The following GLI2 variants were observed in gnomAD, a reference collection of about 807,000 sequenced individuals.
GLI2 encodes the protein GLI family zinc finger 2.
Under a neutral mutation model 78.9 loss-of-function variants are expected in GLI2, and 22 were observed. The observed-to-expected ratio is 0.28, with a 90% CI of 0.20 to 0.40. The LOEUF is 0.40. Among genes scored for constraint, GLI2 ranks in the 10% least tolerant of loss-of-function variants. GLI2 has a pLI of 1.00. For missense variants in GLI2, 2,097 were observed against 2,213.2 expected (o/e 0.95, Z 1.05); for synonymous variants, 974 against 963.7 (o/e 1.01, Z -0.20).
intron 1 of GLI2, among the ~76,000 whole-genome samples, chr2:120,785,217 G>T (rs747766): frequency 6.6e-6 from 1 of 152,004 alleles, no homozygotes; most frequent in Non-Finnish European, 1.5e-5. Flanking sequence ...GCAGAGGAAG[G>T]CCAGGGCCTG....
chr2:120,870,375 A>G (rs1387204533), intron 2 of GLI2, among the ~76,000 whole-genome samples: 1 of 152,154 alleles, frequency 6.6e-6, no homozygotes. Flanking sequence ...TTCAGGAGAA[A>G]ACATTCTCCT....
chr2:120,749,881 G>A (rs1682812598), intron 1 of GLI2, among the ~76,000 whole-genome samples: 1 of 152,236 alleles, frequency 6.6e-6, no homozygotes, highest in African/African-American at 2.4e-5. Flanking sequence ...TATAGGACAT[G>A]TGTCATGCAG....
rs77887399 is a variant in GLI2, at chr2:120,825,173, T to C, written c.148+27705T>C. On this transcript the variant is annotated intron_variant, in intron 2 of 13. Transcript: ENST00000361492. ...TTGGTACTGCCATGATTTGGGAGTT[T>C]TGGGAGAATTGAAGCAAGTACTTAG... Among the ~76,000 whole-genome samples the C allele has an allele frequency of 2.6e-5, 4 of 152,268 alleles. No homozygotes were observed. The East Asian group carries it at 5.8e-4, about 22-fold the overall frequency.
intron 2 of GLI2, among the ~76,000 whole-genome samples, chr2:120,878,810 G>A (rs1279540203): frequency 6.6e-6 from 1 of 151,836 alleles, no homozygotes; most frequent in Non-Finnish European, 1.5e-5. Flanking sequence ...GTGCGTGCCT[G>A]TAATCCCAGC....
intron 2 of GLI2, among the ~76,000 whole-genome samples, chr2:120,903,056 TG>T (rs1678343725): frequency 6.6e-6 from 1 of 151,942 alleles, no homozygotes; most frequent in East Asian, 1.9e-4. Flanking sequence ...TGGCAGGATT[TG>T]GGGCCAGACA....
chr2:120,764,654 G>A (rs918453414), intron 1 of GLI2, among the ~76,000 whole-genome samples: 2 of 152,224 alleles, frequency 1.3e-5, no homozygotes, highest in African/African-American at 4.8e-5. Context: ...GCTGCTGCAG[G>A]TAGAAAGGGC....
chr2:120,970,366 C>A (rs775363396), intron 6 of GLI2, 27 bp from the exon 7 acceptor site: 1 of 1,297,144 alleles, frequency 7.7e-7, no homozygotes, highest in South Asian at 1.2e-5. Flanking sequence ...CCCCCACCCC[C>A]ACTTCCTTGT....
intron 1 of GLI2, among the ~76,000 whole-genome samples, chr2:120,786,980 G>A (rs1684014838): frequency 1.3e-5 from 2 of 152,214 alleles, no homozygotes; most frequent in Admixed American, 6.5e-5. Context: ...GTTCGTCTCT[G>A]AGTCAGTCAA....
intron 5 of GLI2, among the ~76,000 whole-genome samples, chr2:120,958,931 G>A (rs1681407851): frequency 6.6e-6 from 1 of 152,210 alleles, no homozygotes; most frequent in African/African-American, 2.4e-5. Flanking sequence ...CAAGGAGCAG[G>A]TCCTCTGTGT....
rs1298989652 is a variant in GLI2 at position 120,988,907 on chromosome 2, T to C, written c.2942T>C (p.Leu981Pro). The C allele has an allele frequency of 1.3e-6, 2 of 1,514,030 alleles. No individual in the cohort carries two copies. The highest frequency in any genetic ancestry group is 1.7e-4 in the Middle Eastern group (1 of 5,796). 93.8% of individuals were successfully genotyped at this position (1,514,030 alleles called of 1,614,324 possible). ...HSTHNVNPGP[L>P]PPCADRRGLR... is the part of the protein sequence containing the mutation. Reference sequence around the variant, plus strand: ...ACCCACAACGTGAACCCCGGCCCGCTGCCGCCCTGTGCCGACAGGCGAGGC... The same window carrying C: ...ACCCACAACGTGAACCCCGGCCCGCCGCCGCCCTGTGCCGACAGGCGAGGC... Residue 981 changes from leucine to proline, a missense_variant, in exon 14 of 14, where the codon CTG becomes CCG. Physicochemically the swap from Leu to Pro is moderately conservative, Grantham distance 98. Coordinates refer to ENST00000361492, the MANE Select transcript of GLI2 (RefSeq NM_001374353.1).
chr2:120,963,239 G>A (rs1386883018), intron 5 of GLI2, among the ~76,000 whole-genome samples: 1 of 152,216 alleles, frequency 6.6e-6, no homozygotes, highest in South Asian at 2.1e-4. Flanking sequence ...TTTCATTTTG[G>A]AATGCCCGCT....
intron 2 of GLI2, among the ~76,000 whole-genome samples, chr2:120,835,406 GAC>G (rs1558823998): frequency 1.4e-5 from 2 of 143,158 alleles, no homozygotes; most frequent in African/African-American, 5.3e-5. Flanking sequence ...TTTTTTTGGA[GAC>G]AGAGTCTCGC....
chr2:120,806,767 A>G (rs1684974407), intron 2 of GLI2, among the ~76,000 whole-genome samples: 1 of 152,154 alleles, frequency 6.6e-6, no homozygotes, highest in Admixed American at 6.5e-5. Context: ...TTGAATGGAC[A>G]TTGAGGGGTA....
Position 120,948,153 on chromosome 2 carries a change from T to C in GLI2, c.255-3090T>C, listed in dbSNP as rs564633580. 3.3e-5 allele frequency among the ~76,000 whole-genome samples: 5 copies of C among 152,336 alleles called. No individual in the cohort carries two copies. In the East Asian group the frequency reaches 9.7e-4, roughly 29 times the overall value. On this transcript the variant is annotated intron_variant, in intron 3 of 13. Coordinates refer to ENST00000361492, the MANE Select transcript of GLI2 (RefSeq NM_001374353.1). The stretch of plus-strand genomic sequence containing the variant: ...AGTGAGGCCCGCTGGAGGGAGCTCC[T>C]GCTTGCCTCTCACTGGCCGCACAGC...
Position 120,797,016 on chromosome 2 carries a change from G to A in GLI2, c.-30-275G>A, listed in dbSNP as rs114345350. On this transcript the variant is annotated intron_variant, in intron 1 of 13. Transcript: ENST00000361492. The stretch of plus-strand genomic sequence containing the variant: ...TTATTTCCCTCATCAGAGGCTACCC[G>A]CCACTCATATCAGTAGGAACCTGTT... Among the ~76,000 whole-genome samples the A allele has an allele frequency of 5.1e-3, 773 of 152,234 alleles. 5 individuals are homozygous for A. The highest frequency in any genetic ancestry group is 8.3e-3 in the Non-Finnish European group (562 of 68,024).
At chr2:120,900,795 G>A (rs76776879) in intron 2 of GLI2, among the ~76,000 whole-genome samples, 2,676 of 152,308 alleles carry the variant, frequency 0.018, 57 homozygotes, top group African/African-American at 0.049. Flanking sequence ...TGGTAGAGGC[G>A]GCTCTGGAGG....
intron 5 of GLI2, 48 bp from the exon 6 acceptor site, chr2:120,968,665 TC>T (rs934959393): frequency 9.3e-6 from 7 of 751,524 alleles, no homozygotes; most frequent in African/African-American, 7.8e-5. Context: ...TGTCACCCCC[TC>T]CCCCATCCCC....
chr2:120,761,174 A>G (rs1309657981), intron 1 of GLI2, among the ~76,000 whole-genome samples: 1 of 152,228 alleles, frequency 6.6e-6, no homozygotes, highest in Non-Finnish European at 1.5e-5. Context: ...TACCTTGTTT[A>G]CCAGACTCCA....
intron 2 of GLI2, among the ~76,000 whole-genome samples, chr2:120,811,953 G>A (rs1456648457): frequency 6.6e-6 from 1 of 152,060 alleles, no homozygotes. Context: ...GAACACACAG[G>A]CAAGGTCCAC....
Sources: allele counts gnomAD v4.1 joint callset (sites outside exome capture counted in the v4.1 genomes callset), GRCh38; gene constraint gnomAD v4.1.1; transcripts MANE v1.5; gene names NCBI Gene and HGNC (gene_info 2026-07-23, HGNC 2026-07-21).